The following CBFA2T2 variants were observed in gnomAD, a reference collection of about 807,000 sequenced individuals.
CBFA2T2 encodes the protein CBFA2/RUNX1 partner transcriptional co-repressor 2.
In CBFA2T2, 11 loss-of-function variants were observed where a neutral mutation model predicts 62.2. The observed-to-expected ratio is 0.18, with a 90% CI of 0.11 to 0.29. The LOEUF (loss-of-function observed/expected upper bound fraction) is 0.29, where lower values mean the gene tolerates loss of function less well. Among genes scored for constraint, CBFA2T2 ranks in the 10% least tolerant of loss-of-function variants. The pLI is 1.00. For missense variants in CBFA2T2, 592 were observed against 774.1 expected, an observed-to-expected ratio of 0.76 and a Z score of 2.79; for synonymous variants, 295 against 287.5, an observed-to-expected ratio of 1.03 and a Z score of -0.27.
intron 1 of CBFA2T2, among the ~76,000 whole-genome samples, chr20:33,593,056 C>A (rs1293428886): frequency 1.3e-5 from 2 of 152,172 alleles, no homozygotes. Context: ...TATGACCAGG[C>A]ACCCTGGCTC....
intron 1 of CBFA2T2, among the ~76,000 whole-genome samples, chr20:33,585,602 G>C (rs960764496): frequency 6.6e-6 from 1 of 152,210 alleles, no homozygotes. Flanking sequence ...CAGATTTCCA[G>C]GAGTGAGGTC....
rs1187154394 is a variant in CBFA2T2, at chr20:33,644,424, C to T, written c.1566C>T (p.Cys522=). ...TCGCGCGATACTGTGGCTCTTTCTG[C>T]CAGCACAAGGACTGGGAGCGGCACC... ...CNIARYCGSF[C]QHKDWERHHR... is the part of the protein sequence containing the mutation. Residue 522 remains cysteine (C), a synonymous_variant, in exon 11 of 11, where the codon TGC becomes TGT. Coordinates refer to ENST00000342704, the MANE Select transcript of CBFA2T2 (RefSeq NM_001032999.3). 3 of 1,614,234 alleles carry T rather than the reference C, an allele frequency of 1.9e-6. No individual in the cohort carries two copies. Among genetic ancestry groups the T allele is most frequent in the Non-Finnish European group, 2.5e-6 (3 of 1,180,046 alleles).
At position 33,645,590 on chromosome 20, in the gene CBFA2T2, T is replaced by C. The variant is rs1187231515; in HGVS notation, c.*944T>C. On this transcript the variant is annotated 3_prime_UTR_variant, in exon 11 of 11. Transcript: ENST00000342704. ...CTCAGACCACACACATCTGGAACGC[T>C]GTGGGCATCTTCTGCCCATGGGCTC... 1 of 152,232 alleles carries C rather than the reference T, an allele frequency of 6.6e-6. No individual in the cohort carries two copies. The allele number at this position is 152,232 out of a possible 1,614,324, so 9.4% of individuals were successfully genotyped here.
intron 1 of CBFA2T2, among the ~76,000 whole-genome samples, chr20:33,592,763 T>C (rs968220197): frequency 6.6e-6 from 1 of 152,094 alleles, no homozygotes; most frequent in Non-Finnish European, 1.5e-5. Context: ...GATGGAGTTA[T>C]ATGAATGGGT....
rs1044079117 is a variant in CBFA2T2, at chr20:33,640,476, G to A, written c.1433G>A (p.Arg478Gln). ...RMEQTIADVK[R>Q]QAAEDAFLVI... ...GAGCAAACCATAGCGGATGTCAAGC[G>A]GCAGGCCGCAGAGGATGCTTTCCTC... is the stretch of plus-strand genomic sequence containing the variant. Residue 478 changes from arginine to glutamine, a missense_variant, in exon 10 of 11, where the codon CGG (arginine) becomes CAG (glutamine). By Grantham distance (43) the Arg-to-Gln change is conservative. Coordinates refer to ENST00000342704, the MANE Select transcript of CBFA2T2 (RefSeq NM_001032999.3). The A allele has an allele frequency of 2.5e-6, 4 of 1,614,248 alleles. No individual in the cohort carries two copies. The highest frequency in any genetic ancestry group is 1.7e-5 in the Admixed American group (1 of 60,030).
At chr20:33,539,013 T>A (rs1279898665) in intron 1 of CBFA2T2, among the ~76,000 whole-genome samples, 1 of 152,240 alleles carries the variant, frequency 6.6e-6, no homozygotes, top group Admixed American at 6.5e-5. Flanking sequence ...GATCAAATAT[T>A]TCTTCCTGTC....
chr20:33,580,053 G>A (rs1240163619), intron 1 of CBFA2T2, among the ~76,000 whole-genome samples: 1 of 152,022 alleles, frequency 6.6e-6, no homozygotes, highest in East Asian at 1.9e-4. Context: ...CTGACCTTAG[G>A]TGATCCATCC....
intron 1 of CBFA2T2, among the ~76,000 whole-genome samples, chr20:33,547,641 C>T (rs1253287970): frequency 1.3e-5 from 2 of 151,606 alleles, no homozygotes; most frequent in Non-Finnish European, 2.9e-5. Context: ...TGATTGCACC[C>T]CTGCACTCCA....
At chr20:33,492,199 A>G (rs2011151629) in intron 1 of CBFA2T2, among the ~76,000 whole-genome samples, 1 of 151,762 alleles carries the variant, frequency 6.6e-6, no homozygotes, top group Admixed American at 6.6e-5. Flanking sequence ...TTATATTTTT[A>G]GTAGAGACAG....
intron 1 of CBFA2T2, among the ~76,000 whole-genome samples, chr20:33,593,712 C>T (rs1372333726): frequency 6.6e-6 from 1 of 152,156 alleles, no homozygotes; most frequent in African/African-American, 2.4e-5. Context: ...GTTTTTAATA[C>T]AAGATAGCTA....
At chr20:33,509,582 A>G (rs1163850191) in intron 1 of CBFA2T2, among the ~76,000 whole-genome samples, 1 of 151,632 alleles carries the variant, frequency 6.6e-6, no homozygotes, top group Non-Finnish European at 1.5e-5. Flanking sequence ...AATCCCAGCA[A>G]TTTGGGAGGC....
At position 33,636,587 on chromosome 20, in the gene CBFA2T2, ACTG is replaced by A. The variant is rs1312238371; in HGVS notation, c.1229-49_1229-47del. 1.8e-5 allele frequency: 24 copies of A among 1,320,308 alleles called. No homozygotes were observed. The East Asian group carries it at 5.6e-4, about 31-fold the overall frequency. The allele number at this position is 1,320,308 out of a possible 1,614,324, so 81.8% of individuals were successfully genotyped here. ...AATGAGAAATCTGATCAAAAATAAA[ACTG>A]CTGATCATAGACAGCTTCTGACCCT... On this transcript the variant is annotated intron_variant, in intron 8 of 10. Transcript: ENST00000342704.
intron 1 of CBFA2T2, among the ~76,000 whole-genome samples, chr20:33,521,368 CAATT>C (rs1431536690): frequency 6.6e-6 from 1 of 152,080 alleles, no homozygotes; most frequent in Non-Finnish European, 1.5e-5. Context: ...ACCCTCTAAT[CAATT>C]CTTTTTAAAT....
chr20:33,540,241 A>G (rs1424447067), intron 1 of CBFA2T2, among the ~76,000 whole-genome samples: 1 of 152,230 alleles, frequency 6.6e-6, no homozygotes, highest in Non-Finnish European at 1.5e-5. Flanking sequence ...CTTTAGGTTT[A>G]CATGTATAGT....
chr20:33,582,637 A>G (rs544303951), intron 1 of CBFA2T2, among the ~76,000 whole-genome samples: 1 of 152,200 alleles, frequency 6.6e-6, no homozygotes, highest in Non-Finnish European at 1.5e-5. Context: ...CTTGGCCAGC[A>G]TGGCAAAACC....
intron 1 of CBFA2T2, among the ~76,000 whole-genome samples, chr20:33,531,338 A>G (rs2012055158): frequency 6.6e-6 from 1 of 152,196 alleles, no homozygotes; most frequent in Non-Finnish European, 1.5e-5. Flanking sequence ...CAGAGCGGGG[A>G]AAGCACAGGG....
intron 8 of CBFA2T2, among the ~76,000 whole-genome samples, chr20:33,634,532 T>A (rs1379446835): frequency 3.3e-5 from 5 of 151,546 alleles, no homozygotes; most frequent in Non-Finnish European, 7.4e-5. Context: ...ATTAGCTGAT[T>A]GTGGTGGTAT....
rs568910574 is a variant in CBFA2T2, at chr20:33,566,733, A to G, written c.35-40223A>G. Among the ~76,000 whole-genome samples, 6 of 152,232 alleles carry G rather than the reference A, an allele frequency of 3.9e-5. No individual in the cohort carries two copies. The South Asian group carries it at 6.2e-4, about 16-fold the overall frequency. ...AGGACAGGAAGGATTTGGACTTCTCATGTTTGGAAGGAGCATAGTGGCAGG... is the reference window on the plus strand; with the variant it reads ...AGGACAGGAAGGATTTGGACTTCTCGTGTTTGGAAGGAGCATAGTGGCAGG... On this transcript the variant is annotated intron_variant, in intron 1 of 10. Transcript: ENST00000342704.
At chr20:33,527,320 G>A (rs2011915592) in intron 1 of CBFA2T2, among the ~76,000 whole-genome samples, 1 of 150,980 alleles carries the variant, frequency 6.6e-6, no homozygotes, top group Admixed American at 6.6e-5. Flanking sequence ...TCCTGCCTCA[G>A]CCTCCTGAGT....
Sources: allele counts gnomAD v4.1 joint callset (sites outside exome capture counted in the v4.1 genomes callset), GRCh38; gene constraint gnomAD v4.1.1; transcripts MANE v1.5; gene names NCBI Gene and HGNC (gene_info 2026-07-23, HGNC 2026-07-21).